JAZF1: variants seen among roughly 807,000 people sequenced by gnomAD.
JAZF1 encodes the protein juxtaposed with another zinc finger protein 1.
JAZF1 carries 8 observed loss-of-function variants against 26.4 expected under a neutral mutation model. The ratio of observed to expected loss-of-function variants is 0.30; its 90% CI spans 0.18 to 0.55. The LOEUF is 0.55. JAZF1 is among the 20% of genes least tolerant of loss of function. The pLI, the probability that JAZF1 is intolerant of heterozygous loss-of-function variation, is 0.94. For missense variants in JAZF1, 199 were observed against 322.0 expected (o/e 0.62, Z 2.92); for synonymous variants, 126 against 122.3 (o/e 1.03, Z -0.20).
chr7:27,974,319 G>A (rs1319539297), intron 2 of JAZF1, among the ~76,000 whole-genome samples: 2 of 152,184 alleles, frequency 1.3e-5, no homozygotes, highest in Non-Finnish European at 2.9e-5. Context: ...ACGAAACTTA[G>A]GGAGAGGCCA....
intron 1 of JAZF1, among the ~76,000 whole-genome samples, chr7:28,011,325 T>G (rs1782794538): frequency 6.6e-6 from 1 of 152,220 alleles, no homozygotes; most frequent in South Asian, 2.1e-4. Flanking sequence ...TCTAATGAAG[T>G]CTAGGTTTAA....
intron 2 of JAZF1, among the ~76,000 whole-genome samples, chr7:27,961,158 T>C (rs927214691): frequency 2.0e-5 from 3 of 152,242 alleles, no homozygotes; most frequent in African/African-American, 7.2e-5. Flanking sequence ...TTAGTACTTA[T>C]AACAGTCGTT....
At chr7:27,893,579 T>TC (rs1411868030) in intron 3 of JAZF1, among the ~76,000 whole-genome samples, 2 of 152,178 alleles carry the variant, frequency 1.3e-5, no homozygotes, top group Non-Finnish European at 2.9e-5. Context: ...CTTAGTTGAC[T>TC]CCTATTTATC....
chr7:27,938,477 T>C (rs1260143839), intron 2 of JAZF1, among the ~76,000 whole-genome samples: 1 of 152,234 alleles, frequency 6.6e-6, no homozygotes, highest in Non-Finnish European at 1.5e-5. Flanking sequence ...CCAGGGCATA[T>C]TAAACTCAGC....
intron 1 of JAZF1, 126 bp downstream of exon 1, chr7:28,180,337 C>T (rs186735625): frequency 0.11 from 40,228 of 358,968 alleles, 4,055 homozygotes; most frequent in East Asian, 0.49. Flanking sequence ...CACCTCGGGG[C>T]TCGCACGCGC....
chr7:27,973,938 A>C (rs1785422409), intron 2 of JAZF1, among the ~76,000 whole-genome samples: 1 of 152,182 alleles, frequency 6.6e-6, no homozygotes, highest in Non-Finnish European at 1.5e-5. Flanking sequence ...AGTAAGGACA[A>C]GAGCAGGGGA....
In JAZF1 at chr7:28,176,204, C is replaced by G. The variant is rs576020738; in HGVS notation, c.115+4259G>C. ...ATTCTTGGTCAATGAGACTCTGCCC[C>G]TTAACTGGGCCCTTGCAGGGAAATG... is the stretch of plus-strand genomic sequence containing the variant. On this transcript the variant is annotated intron_variant, in intron 1 of 4. Transcript: ENST00000283928. Among the ~76,000 whole-genome samples the G allele has an allele frequency of 2.0e-5, 3 of 152,362 alleles. No individual in the cohort carries two copies. The East Asian group carries it at 5.8e-4, about 29-fold the overall frequency.
At chr7:28,127,011 G>C (rs1200520738) in intron 1 of JAZF1, among the ~76,000 whole-genome samples, 1 of 152,162 alleles carries the variant, frequency 6.6e-6, no homozygotes, top group Non-Finnish European at 1.5e-5. Context: ...GTCTCTCAAT[G>C]AACAGTTTGT....
At chr7:27,950,433 C>A (rs1784990234) in intron 2 of JAZF1, among the ~76,000 whole-genome samples, 1 of 152,208 alleles carries the variant, frequency 6.6e-6, no homozygotes, top group Non-Finnish European at 1.5e-5. Flanking sequence ...GGATTGGGAT[C>A]ATCCAGTAGC....
intron 1 of JAZF1, among the ~76,000 whole-genome samples, chr7:28,040,408 A>T (rs1270158883): frequency 1.3e-5 from 2 of 152,218 alleles, no homozygotes; most frequent in Admixed American, 1.3e-4. Flanking sequence ...AGAGATGAGT[A>T]CTATAAAGAA....
chr7:27,889,395 C>T (rs1783928001), intron 3 of JAZF1, among the ~76,000 whole-genome samples: 1 of 152,094 alleles, frequency 6.6e-6, no homozygotes, highest in Non-Finnish European at 1.5e-5. Flanking sequence ...GCAAAAAGGC[C>T]TTTGCTATAG....
At chr7:28,168,380 CAAAAAAAAAAAAAA>C (rs11301939) in intron 1 of JAZF1, among the ~76,000 whole-genome samples, 1 of 71,142 alleles carries the variant, frequency 1.4e-5, no homozygotes, top group Non-Finnish European at 2.6e-5. Flanking sequence ...GACTCCGTCT[CAAAAAAAAAAAAAA>C]AAAAAAAAAG....
At chr7:28,033,151 G>A (rs1583520245) in intron 1 of JAZF1, among the ~76,000 whole-genome samples, 1 of 152,146 alleles carries the variant, frequency 6.6e-6, no homozygotes, top group South Asian at 2.1e-4. Flanking sequence ...AAAGCAAAGT[G>A]CCTGGTACTT....
chr7:28,061,743 A>T (rs900869211), intron 1 of JAZF1, among the ~76,000 whole-genome samples: 2 of 152,252 alleles, frequency 1.3e-5, no homozygotes. Context: ...AAAACCCAGT[A>T]TATTACAAAT....
chr7:28,033,308 A>C (rs773437524), intron 1 of JAZF1, among the ~76,000 whole-genome samples: 1 of 152,196 alleles, frequency 6.6e-6, no homozygotes, highest in Admixed American at 6.5e-5. Context: ...CCTAGTGTGT[A>C]ATGTGGATAA....
chr7:28,099,207 CTT>C (rs1784429147), intron 1 of JAZF1, among the ~76,000 whole-genome samples: 1 of 152,136 alleles, frequency 6.6e-6, no homozygotes, highest in South Asian at 2.1e-4. Context: ...TATCTTGTCT[CTT>C]ATGATGACAG....
chr7:27,903,092 G>A (rs923021681), intron 2 of JAZF1, among the ~76,000 whole-genome samples: 2 of 150,626 alleles, frequency 1.3e-5, no homozygotes, highest in African/African-American at 4.9e-5. Context: ...TTCACCTTCT[G>A]CCATCTACAC....
rs991941512 is a variant in JAZF1 at position 28,110,483 on chromosome 7, G to A, written c.115+69980C>T. The stretch of plus-strand genomic sequence containing the variant: ...GAAAGGAAAGGAAAGGAAAGGAAAG[G>A]AAAGGAAAGGAAAGGAAAGGAAAAG... On this transcript the variant is annotated intron_variant, in intron 1 of 4. Transcript: ENST00000283928. Among the ~76,000 whole-genome samples the A allele has an allele frequency of 1.4e-4, 8 of 57,778 alleles. No individual in the cohort carries two copies. In the South Asian group the frequency reaches 5.1e-3, roughly 37 times the overall value. 37.9% of individuals were successfully genotyped at this position (57,778 alleles called of 152,430 possible).
At chr7:28,167,265 C>A (rs1783384780) in intron 1 of JAZF1, among the ~76,000 whole-genome samples, 1 of 152,192 alleles carries the variant, frequency 6.6e-6, no homozygotes, top group African/African-American at 2.4e-5. Context: ...CAGCCTCCTG[C>A]AAAAGACAAG....
Sources: gnomAD v4.1 joint callset for allele counts (sites outside exome capture counted in the v4.1 genomes callset) on GRCh38, gnomAD v4.1.1 for gene constraint, MANE v1.5 for transcripts, NCBI Gene and HGNC (gene_info 2026-07-23, HGNC 2026-07-21) for gene names.